IRAG2: variants seen among roughly 807,000 people sequenced by gnomAD.
The protein encoded by IRAG2 is lymphoid restricted membrane protein.
In IRAG2, 45 loss-of-function variants were observed where a neutral mutation model predicts 69.9. That is an observed-to-expected ratio of 0.64 (90% CI 0.51 to 0.83). The LOEUF (loss-of-function observed/expected upper bound fraction) is 0.83, where lower values mean the gene tolerates loss of function less well. Ranked by LOEUF, IRAG2 falls within the 40% of genes least tolerant of loss-of-function variation. The pLI is 0.00. For synonymous variants in IRAG2, 193 were observed against 202.4 expected, an observed-to-expected ratio of 0.95 and a Z score of 0.40; for missense variants, 520 against 587.0, an observed-to-expected ratio of 0.89 and a Z score of 1.18.
chr12:25,028,159 A>G (rs1944639239), intron 9 of IRAG2, among the ~76,000 whole-genome samples: 1 of 151,960 alleles, frequency 6.6e-6, no homozygotes. Flanking sequence ...TCCTGACCTC[A>G]AGTGATCTGC....
At chr12:25,082,461 A>G (rs892579888) in intron 9 of IRAG2, among the ~76,000 whole-genome samples, 1 of 151,852 alleles carries the variant, frequency 6.6e-6, no homozygotes, top group Non-Finnish European at 1.5e-5. Context: ...TTAGCTGGGC[A>G]TGGTGGTGCA....
intron 16 of IRAG2, among the ~76,000 whole-genome samples, chr12:25,046,908 C>T (rs1409229680): frequency 1.3e-5 from 2 of 152,126 alleles, no homozygotes; most frequent in African/African-American, 4.8e-5. Flanking sequence ...GGAGACATTA[C>T]CGTTCCTGAT....
rs564998707 is a variant in IRAG2 at position 25,086,661 on chromosome 12, C to T, written c.316-1439C>T. 1.3e-4 allele frequency among the ~76,000 whole-genome samples: 20 copies of T among 152,090 alleles called. 1 individual carries two copies. The South Asian group carries it at 3.1e-3, about 24-fold the overall frequency. The stretch of plus-strand genomic sequence containing the variant: ...AGAGGAGACTGAGAACGGGCTGTGA[C>T]GCGGGGCTGGGGCATCAGAACAGGG... On this transcript the variant is annotated intron_variant, in intron 10 of 21. Coordinates refer to ENST00000556887, the MANE Select transcript of IRAG2 (RefSeq NM_001366544.2).
At chr12:25,015,145 C>A (rs1591924820) in intron 3 of IRAG2, 4 of 876,092 alleles carry the variant, frequency 4.6e-6, no homozygotes, top group South Asian at 5.9e-5. Flanking sequence ...AATCCTAGCT[C>A]ACTGGTTTTG....
rs1944599079 is a variant in IRAG2, at chr12:25,023,473, G to C, written c.1333-398G>C. ...AAACAGTTTTTGATGCTCATATGTT[G>C]TGATGATGTTGCATCTGAGAATATC... On this transcript the variant is annotated intron_variant, in intron 7 of 38. Coordinates refer to the IRAG2 transcript ENST00000636465. Among the ~76,000 whole-genome samples, 3 of 151,916 alleles carry C rather than the reference G, an allele frequency of 2.0e-5. No homozygotes were observed. In the South Asian group the frequency reaches 6.2e-4, roughly 32 times the overall value.
At chr12:25,007,177 TCTC>T (rs1425992984) in intron 2 of IRAG2, among the ~76,000 whole-genome samples, 1 of 152,214 alleles carries the variant, frequency 6.6e-6, no homozygotes, top group African/African-American at 2.4e-5. Context: ...CTCATTTTCC[TCTC>T]CTCTACTCTG....
intron 16 of IRAG2, among the ~76,000 whole-genome samples, chr12:25,045,648 A>G (rs1163972185): frequency 2.0e-5 from 3 of 151,926 alleles, no homozygotes; most frequent in African/African-American, 4.8e-5. Flanking sequence ...CCAGAAACAT[A>G]CACCCCATCA....
chr12:25,037,386 C>T (rs1218791705), intron 15 of IRAG2, among the ~76,000 whole-genome samples: 3 of 152,176 alleles, frequency 2.0e-5, no homozygotes, highest in Non-Finnish European at 4.4e-5. Context: ...GCAAACTCTG[C>T]CTCCTGGGTC....
intron 15 of IRAG2, among the ~76,000 whole-genome samples, chr12:25,098,257 C>T (rs1158034304): frequency 6.6e-6 from 1 of 152,212 alleles, no homozygotes; most frequent in African/African-American, 2.4e-5. Flanking sequence ...TCACAAACCT[C>T]AAGCGGGTCC....
chr12:25,100,995 C>T (rs2140237562), intron 15 of IRAG2, 183 bp from the exon 16 acceptor site: 2 of 458,182 alleles, frequency 4.4e-6, no homozygotes, highest in East Asian at 7.0e-5. Flanking sequence ...ATCCAGCTTT[C>T]AAAGTCTTGT....
chr12:25,090,913 G>T, intron 14 of IRAG2: 1 of 446,712 alleles, frequency 2.2e-6, no homozygotes, highest in Non-Finnish European at 4.5e-6. Flanking sequence ...GATTAACTGA[G>T]GAAAGAGAAT....
In IRAG2 at chr12:25,078,778, TCA is replaced by T. The variant is rs144375582; in HGVS notation, c.25-465_25-464del. Reference sequence around the variant, plus strand: ...ACTTAGATGTAATCCTTCAGATCTCTCAGATATGGATTAAGTTTGAAATGCAT... The same window carrying T: ...ACTTAGATGTAATCCTTCAGATCTCTGATATGGATTAAGTTTGAAATGCAT... On this transcript the variant is annotated intron_variant, in intron 6 of 21. Transcript: ENST00000556887. Among the ~76,000 whole-genome samples, 795 of 152,322 alleles carry T rather than the reference TCA, an allele frequency of 5.2e-3. 7 individuals carry two copies. Among genetic ancestry groups the T allele is most frequent in the African/African-American group, 0.018 (749 of 41,572 alleles).
intron 10 of IRAG2, among the ~76,000 whole-genome samples, chr12:25,030,631 C>A (rs1944661908): frequency 1.3e-5 from 2 of 152,230 alleles, no homozygotes; most frequent in Admixed American, 6.5e-5. Flanking sequence ...AGGTGATCCA[C>A]CTGCCTCAGC....
chr12:25,067,587 G>A (rs1946066430), intron 5 of IRAG2, among the ~76,000 whole-genome samples: 1 of 152,152 alleles, frequency 6.6e-6, no homozygotes, highest in Non-Finnish European at 1.5e-5. Context: ...TAATTTGCTA[G>A]AGTAGCTCAC....
At chr12:25,080,653 A>C (rs550469986) in intron 9 of IRAG2, among the ~76,000 whole-genome samples, 1 of 152,102 alleles carries the variant, frequency 6.6e-6, no homozygotes, top group East Asian at 1.9e-4. Flanking sequence ...CGCCTGGCCA[A>C]GGAAAATACA....
At chr12:25,020,792 C>T in exon 7 of IRAG2, 3 of 1,227,514 alleles carry the variant, frequency 2.4e-6, no homozygotes, top group South Asian at 4.1e-5. Context: ...CCCCACAGTG[C>T]CCACCAGGCT....
intron 20 of IRAG2, among the ~76,000 whole-genome samples, chr12:25,106,041 T>C (rs923218596): frequency 9.9e-5 from 15 of 152,114 alleles, no homozygotes; most frequent in Non-Finnish European, 1.3e-4. Flanking sequence ...AATTGCTATT[T>C]CCCAGTTCAC....
Position 25,052,854 on chromosome 12 carries a change from A to G in IRAG2, c.-549A>G, listed in dbSNP as rs1944927638. The stretch of plus-strand genomic sequence containing the variant: ...TGAAAAAGCTACGTCTTTACTGCAT[A>G]AATTAGAGGAAGCAATTTCGGAACA... On this transcript the variant is annotated 5_prime_UTR_variant, in exon 1 of 22. It adds an upstream start codon to the 5' untranslated region. Coordinates refer to ENST00000556887, the MANE Select transcript of IRAG2 (RefSeq NM_001366544.2). The G allele has an allele frequency of 5.0e-6, 2 of 398,634 alleles. No homozygotes were observed. The highest frequency in any genetic ancestry group is 2.1e-5 in the African/African-American group (1 of 48,752). The allele number at this position is 398,634 out of a possible 1,614,324, so 24.7% of individuals were successfully genotyped here.
chr12:25,017,254 A>T, exon 6 of IRAG2: 1 of 1,232,188 alleles, frequency 8.1e-7, no homozygotes, highest in Non-Finnish European at 1.0e-6. Context: ...ACAGCCAGTT[A>T]TCAGAGGACT....
Sources: gnomAD v4.1 joint callset for allele counts (sites outside exome capture counted in the v4.1 genomes callset) on GRCh38, gnomAD v4.1.1 for gene constraint, MANE v1.5 for transcripts, NCBI Gene and HGNC (gene_info 2026-07-23, HGNC 2026-07-21) for gene names.